PEPD: variants seen among roughly 807,000 people sequenced by gnomAD.
PEPD encodes the protein xaa-Pro dipeptidase.
A neutral mutation model predicts 60.7 loss-of-function variants in PEPD; 53 were observed. The ratio of observed to expected loss-of-function variants is 0.87; its 90% CI spans 0.70 to 1.10. The LOEUF is 1.10. PEPD is among the 50% of genes least tolerant of loss of function. The probability of loss-of-function intolerance (pLI) is 0.00; values close to 1 mark genes in which losing one functional copy is unlikely to be tolerated. For synonymous variants in PEPD, 267 were observed against 284.1 expected, an observed-to-expected ratio of 0.94 and a Z score of 0.60; for missense variants, 711 against 711.9, an observed-to-expected ratio of 1.00 and a Z score of 0.01.
chr19:33,469,784 T>C (rs1016954532), intron 7 of PEPD, among the ~76,000 whole-genome samples: 3 of 152,094 alleles, frequency 2.0e-5, no homozygotes, highest in Non-Finnish European at 2.9e-5. Context: ...CGTCCTTGCC[T>C]TGGGGGAGGA....
In PEPD at chr19:33,423,599, T is replaced by C. The variant is rs117882961; in HGVS notation, c.672-9956A>G. 6.5e-3 allele frequency among the ~76,000 whole-genome samples: 988 copies of C among 152,328 alleles called. 5 individuals carry two copies. Among genetic ancestry groups the C allele is most frequent in the Middle Eastern group, 0.031 (9 of 294 alleles). ...ACTGATGAACTGACAAATTTTAATA[T>C]GCTTATATGTCTACTTCCTCACATT... is the stretch of plus-strand genomic sequence containing the variant. On this transcript the variant is annotated intron_variant, in intron 9 of 14. Coordinates refer to ENST00000244137, the MANE Select transcript of PEPD (RefSeq NM_000285.4).
At chr19:33,483,253 T>C (rs1024125600) in intron 6 of PEPD, among the ~76,000 whole-genome samples, 4 of 152,166 alleles carry the variant, frequency 2.6e-5, no homozygotes, top group African/African-American at 2.4e-5. Context: ...TAAACTTCCA[T>C]CCTAAGAATG....
At chr19:33,454,135 A>T (rs1485055378) in intron 9 of PEPD, among the ~76,000 whole-genome samples, 2 of 152,192 alleles carry the variant, frequency 1.3e-5, no homozygotes, top group Non-Finnish European at 1.5e-5. Context: ...GCCCGGTGCA[A>T]CCCGCAATGC....
intron 9 of PEPD, among the ~76,000 whole-genome samples, chr19:33,451,660 C>T (rs7249954): frequency 0.19 from 28,439 of 152,104 alleles, 2,990 homozygotes; most frequent in African/African-American, 0.25. Context: ...TATGCTGCAC[C>T]TTATAAACAA....
rs772520514 is a variant in PEPD, at chr19:33,512,715, G to T, written c.79C>A (p.Arg27=). 3.1e-6 allele frequency: 5 copies of T among 1,614,102 alleles called. No individual in the cohort carries two copies. The highest frequency in any genetic ancestry group is 8.5e-7 in the Non-Finnish European group (1 of 1,179,980). The change falls in exon 2 of 15, where the codon CGG becomes AGG. Residue 27 remains arginine (R), a synonymous_variant. Coordinates refer to ENST00000244137, the MANE Select transcript of PEPD (RefSeq NM_000285.4). ...KVPLALFALN[R]QRLCERLRKN... ...CGCAGCCGCTCACACAGGCGCTGCCGGTTCAAGGCAAAGAGCGCCAGCGGC... is the reference window on the plus strand; with the variant it reads ...CGCAGCCGCTCACACAGGCGCTGCCTGTTCAAGGCAAAGAGCGCCAGCGGC...
chr19:33,462,399 G>A (rs1969941776), intron 9 of PEPD, among the ~76,000 whole-genome samples: 1 of 152,206 alleles, frequency 6.6e-6, no homozygotes, highest in African/African-American at 2.4e-5. Context: ...GGCAGTTTGG[G>A]TCTGACCCAA....
intron 9 of PEPD, among the ~76,000 whole-genome samples, chr19:33,442,962 C>G (rs2145236817): frequency 6.6e-6 from 1 of 152,284 alleles, no homozygotes; most frequent in Non-Finnish European, 1.5e-5. Context: ...GCTGCCTCCC[C>G]AGGGCCCAGA....
intron 7 of PEPD, among the ~76,000 whole-genome samples, chr19:33,474,196 G>C (rs1175651907): frequency 6.6e-6 from 1 of 152,206 alleles, no homozygotes; most frequent in East Asian, 1.9e-4. Context: ...AGTGAGCTGG[G>C]AGGATGACTG....
intron 13 of PEPD, among the ~76,000 whole-genome samples, chr19:33,390,621 C>T (rs1239958284): frequency 2.0e-5 from 3 of 152,166 alleles, no homozygotes; most frequent in Non-Finnish European, 2.9e-5. Flanking sequence ...GCCGCCCAGC[C>T]GAGAGGCCGT....
chr19:33,487,319 G>C (rs938189371), intron 6 of PEPD: 3 of 152,480 alleles, frequency 2.0e-5, no homozygotes, highest in Non-Finnish European at 4.4e-5. Context: ...GCAAAGGCTG[G>C]GGCCCCATGT....
intron 9 of PEPD, among the ~76,000 whole-genome samples, chr19:33,423,095 T>TCCATCCATCCATC (rs1969065849): frequency 1.4e-5 from 2 of 147,328 alleles, no homozygotes; most frequent in African/African-American, 2.5e-5. Context: ...TACCTACTTA[T>TCCATCCATCCATC]CATCCATCCA....
Position 33,502,952 on chromosome 19 carries a change from CG to C in PEPD, c.330-1952del, listed in dbSNP as rs71181361. Reference sequence around the variant, plus strand: ...AGACCCTCTACGGATAACTGGGGGGCGGGGGGGGGTGTTGTGGGTGCCAAGG... The same window carrying C: ...AGACCCTCTACGGATAACTGGGGGGCGGGGGGGGTGTTGTGGGTGCCAAGG... On this transcript the variant is annotated intron_variant, in intron 3 of 14. Transcript: ENST00000244137. Among the ~76,000 whole-genome samples, 216 of 77,454 alleles carry C rather than the reference CG, an allele frequency of 2.8e-3. 3 individuals carry two copies. The highest frequency in any genetic ancestry group is 8.6e-3 in the African/African-American group (174 of 20,342). The allele number at this position is 77,454 out of a possible 152,430, so 50.8% of individuals were successfully genotyped here.
In PEPD at chr19:33,491,264, A is replaced by T. The variant is rs566219213; in HGVS notation, c.442-1207T>A. ...GAGGTTGGGAGTTTGAGACTGATCA[A>T]CATGGCGAAACCCCGTCTCTAACAA... On this transcript the variant is annotated intron_variant, in intron 5 of 14. Coordinates refer to ENST00000244137, the MANE Select transcript of PEPD (RefSeq NM_000285.4). 9.2e-4 allele frequency among the ~76,000 whole-genome samples: 140 copies of T among 152,152 alleles called. 4 individuals carry two copies. Among genetic ancestry groups the T allele is most frequent in the Middle Eastern group, 6.8e-3 (2 of 294 alleles).
chr19:33,401,909 G>A, intron 11 of PEPD, 40 bp from the exon 12 acceptor site: 1 of 1,605,080 alleles, frequency 6.2e-7, no homozygotes, highest in South Asian at 1.1e-5. Flanking sequence ...GTACTGGGGT[G>A]CCACCGCCCC....
intron 9 of PEPD, 139 bp downstream of exon 9, chr19:33,462,856 C>G: frequency 1.3e-6 from 1 of 757,268 alleles, no homozygotes; most frequent in East Asian, 2.5e-5. Flanking sequence ...ATAATCTTTG[C>G]TTGTGATCCT....
At chr19:33,439,141 T>TG (rs1391056862) in intron 9 of PEPD, among the ~76,000 whole-genome samples, 1 of 152,232 alleles carries the variant, frequency 6.6e-6, no homozygotes, top group Non-Finnish European at 1.5e-5. Context: ...TGAGACGTCA[T>TG]GGACTGTTTA....
rs1344743644 is a variant in PEPD at position 33,490,018 on chromosome 19, C to T, written c.481G>A (p.Ala161Thr). The T allele has an allele frequency of 1.9e-6, 3 of 1,611,016 alleles. No individual in the cohort carries two copies. In the South Asian group the frequency reaches 3.3e-5, roughly 18 times the overall value. The change falls in exon 6 of 15, where the codon GCC becomes ACC. Residue 161 changes from alanine (A) to threonine (T), a missense_variant. Physicochemically the swap from Ala to Thr is moderately conservative, Grantham distance 58. Coordinates refer to ENST00000244137, the MANE Select transcript of PEPD (RefSeq NM_000285.4). Reference protein sequence around the residue: ...NTDSGSVCREASFDGISKFEV... With the variant: ...NTDSGSVCRETSFDGISKFEV... ...CACTTGCTGATGCCGTCAAAGGAGG[C>T]CTCCCTGCAGACACTGCCGCTGTCC...
intron 9 of PEPD, among the ~76,000 whole-genome samples, chr19:33,447,695 T>C (rs1159750035): frequency 6.6e-6 from 1 of 152,118 alleles, no homozygotes; most frequent in Non-Finnish European, 1.5e-5. Flanking sequence ...CCAGGCCAGT[T>C]TCCCTCCTGC....
intron 9 of PEPD, among the ~76,000 whole-genome samples, chr19:33,453,223 A>G (rs1167309769): frequency 6.6e-6 from 1 of 152,062 alleles, no homozygotes; most frequent in African/African-American, 2.4e-5. Context: ...CTGAGGGGGG[A>G]AGGTCACTTA....
Sources: allele counts gnomAD v4.1 joint callset (sites outside exome capture counted in the v4.1 genomes callset), GRCh38; gene constraint gnomAD v4.1.1; transcripts MANE v1.5; gene names NCBI Gene and HGNC (gene_info 2026-07-23, HGNC 2026-07-21).